MIER1: variants seen among roughly 807,000 people sequenced by gnomAD.
The protein encoded by MIER1 is mesoderm induction early response protein 1.
A neutral mutation model predicts 75.7 loss-of-function variants in MIER1; 40 were observed. The ratio of observed to expected loss-of-function variants is 0.53; its 90% CI spans 0.41 to 0.69. MIER1 has a LOEUF of 0.69. Among genes scored for constraint, MIER1 ranks in the 30% least tolerant of loss-of-function variants. The pLI, the probability that MIER1 is intolerant of heterozygous loss-of-function variation, is 0.00. For missense variants in MIER1, 574 were observed against 680.2 expected (o/e 0.84, Z 1.74); for synonymous variants, 213 against 223.4 (o/e 0.95, Z 0.42).
intron 8 of MIER1, among the ~76,000 whole-genome samples, chr1:66,964,228 C>G (rs549696111): frequency 2.6e-4 from 40 of 151,084 alleles, no homozygotes; most frequent in Non-Finnish European, 4.1e-4. Context: ...CCCACCACCA[C>G]GCCCAGCTAA....
intron 3 of MIER1, among the ~76,000 whole-genome samples, chr1:66,940,781 A>C (rs1656027324): frequency 6.6e-6 from 1 of 152,234 alleles, no homozygotes; most frequent in African/African-American, 2.4e-5. Flanking sequence ...CAGTAGTTCT[A>C]CATGGCAGTA....
intron 4 of MIER1, among the ~76,000 whole-genome samples, chr1:66,951,384 C>G (rs1449022381): frequency 6.6e-6 from 1 of 152,118 alleles, no homozygotes; most frequent in African/African-American, 2.4e-5. Flanking sequence ...CCACTTCGGC[C>G]TCCCAAAGTG....
At chr1:66,953,489 T>C (rs1334270564) in intron 4 of MIER1, among the ~76,000 whole-genome samples, 1 of 152,122 alleles carries the variant, frequency 6.6e-6, no homozygotes, top group Non-Finnish European at 1.5e-5. Context: ...GTATTTTTGG[T>C]GGTGATGATT....
intron 4 of MIER1, among the ~76,000 whole-genome samples, chr1:66,949,267 T>G (rs184223853): frequency 2.6e-5 from 4 of 152,258 alleles, no homozygotes; most frequent in Non-Finnish European, 5.9e-5. Flanking sequence ...AGTTAGTTAT[T>G]TTTTTTCTAT....
At chr1:66,965,164 C>T (rs1662123752) in intron 8 of MIER1, among the ~76,000 whole-genome samples, 1 of 152,144 alleles carries the variant, frequency 6.6e-6, no homozygotes, top group Non-Finnish European at 1.5e-5. Context: ...ATGGTATGTT[C>T]TGTGAACGTA....
intron 4 of MIER1, among the ~76,000 whole-genome samples, chr1:66,949,051 T>C (rs1658319916): frequency 6.6e-6 from 1 of 152,170 alleles, no homozygotes; most frequent in African/African-American, 2.4e-5. Context: ...TCATAGTCAC[T>C]TCATGTATTT....
intron 3 of MIER1, among the ~76,000 whole-genome samples, chr1:66,941,040 C>T (rs1372591996): frequency 2.0e-5 from 3 of 152,138 alleles, no homozygotes; most frequent in African/African-American, 7.2e-5. Context: ...ATTATTGAAG[C>T]AATCACCTTT....
chr1:66,925,242 T>A, intron 1 of MIER1, 147 bp downstream of exon 1: 2 of 1,355,140 alleles, frequency 1.5e-6, no homozygotes, highest in South Asian at 1.9e-5. Context: ...GGGGAGGGGC[T>A]GCCGCAGAAC....
At chr1:66,948,063 A>T (rs1160511138) in intron 4 of MIER1, 1 of 969,470 alleles carries the variant, frequency 1.0e-6, no homozygotes. Context: ...TTAGGACACA[A>T]TTTGTAATTG....
chr1:66,958,952 C>T lies in MIER1; in HGVS notation c.603C>T (p.Ile201=). The T allele has an allele frequency of 6.2e-7, 1 of 1,612,698 alleles. No individual in the cohort carries two copies. Among genetic ancestry groups the T allele is most frequent in the Non-Finnish European group, 8.5e-7 (1 of 1,179,106 alleles). Residue 201 remains isoleucine (I), a synonymous_variant, in exon 6 of 14, where the codon ATC becomes ATT. Coordinates refer to ENST00000401041, the MANE Select transcript of MIER1 (RefSeq NM_001077700.3). ...CTTCTCAAGATGCCCAGGAAATAAT[C>T]CGCCCACGTCGATGTAAATATTTTG... ...SVASQDAQEI[I]RPRRCKYFDT...
intron 6 of MIER1, among the ~76,000 whole-genome samples, chr1:66,959,352 T>G (rs1660783007): frequency 6.6e-6 from 1 of 152,158 alleles, no homozygotes; most frequent in African/African-American, 2.4e-5. Flanking sequence ...TTTCTCTACT[T>G]TAAAAGGAAG....
chr1:66,983,427 A>G (rs748312348), intron 13 of MIER1, among the ~76,000 whole-genome samples: 5 of 152,200 alleles, frequency 3.3e-5, no homozygotes, highest in Non-Finnish European at 5.9e-5. Context: ...TTTATGCCGA[A>G]TATTTTTCAA....
At chr1:66,976,494 A>G (rs1195591599) in intron 11 of MIER1, 101 bp from the exon 12 acceptor site, 1 of 1,065,138 alleles carries the variant, frequency 9.4e-7, no homozygotes, top group Non-Finnish European at 1.4e-6. Flanking sequence ...ATTATATTTC[A>G]GTTAAGGACT....
chr1:66,952,305 T>C (rs1486024710), intron 4 of MIER1, among the ~76,000 whole-genome samples: 3 of 152,226 alleles, frequency 2.0e-5, no homozygotes, highest in African/African-American at 7.2e-5. Context: ...ATAAACTAAT[T>C]AGAAATTCTC....
intron 3 of MIER1, among the ~76,000 whole-genome samples, chr1:66,941,817 G>A (rs1055386225): frequency 2.6e-5 from 4 of 151,904 alleles, no homozygotes; most frequent in Non-Finnish European, 4.4e-5. Flanking sequence ...CTAAAAATAC[G>A]AAAATTAGCC....
chr1:66,940,835 C>T (rs771547438), intron 3 of MIER1, among the ~76,000 whole-genome samples: 3 of 152,142 alleles, frequency 2.0e-5, no homozygotes, highest in Non-Finnish European at 2.9e-5. Context: ...AAGTACTAGT[C>T]TTTTATCCTC....
intron 9 of MIER1, among the ~76,000 whole-genome samples, 188 bp downstream of exon 9, chr1:66,971,147 G>A (rs925924806): frequency 6.6e-6 from 1 of 152,126 alleles, no homozygotes; most frequent in East Asian, 1.9e-4. Flanking sequence ...GCTCAAAAAC[G>A]AAACAAAAAC....
chr1:66,926,216 A>C lies in MIER1; in HGVS notation c.142A>C (p.Asn48His), dbSNP rs111746408. ...TWLRTNWLRF[N>H]ADKTDVMLPS... ...GTTAAGAACCAACTGGTTGAGGTTC[A>C]ATGCAGACAAGACGGATGTGATGCT... Residue 48 changes from asparagine to histidine, a missense_variant, in exon 2 of 14, where the codon AAT (asparagine) becomes CAT (histidine). By Grantham distance (68) the Asn-to-His change is moderately conservative. Coordinates refer to ENST00000401041, the MANE Select transcript of MIER1 (RefSeq NM_001077700.3). 8 of 1,613,738 alleles carry C rather than the reference A, an allele frequency of 5.0e-6. No homozygotes were observed. Among genetic ancestry groups the C allele is most frequent in the African/African-American group, 1.3e-5 (1 of 74,926 alleles).
chr1:66,948,419 A>G (rs1658164224), intron 4 of MIER1, among the ~76,000 whole-genome samples: 1 of 152,246 alleles, frequency 6.6e-6, no homozygotes, highest in African/African-American at 2.4e-5. Flanking sequence ...AAAGAGCTCA[A>G]AAAGGAGTTC....
Sources: allele counts gnomAD v4.1 joint callset (sites outside exome capture counted in the v4.1 genomes callset), GRCh38; gene constraint gnomAD v4.1.1; transcripts MANE v1.5; gene names NCBI Gene and HGNC (gene_info 2026-07-23, HGNC 2026-07-21).